The following HNF4G variants were observed in gnomAD, a reference collection of about 807,000 sequenced individuals.
The protein encoded by HNF4G is hepatocyte nuclear factor 4 gamma.
HNF4G carries 21 observed loss-of-function variants against 50.9 expected under a neutral mutation model. The ratio of observed to expected loss-of-function variants is 0.41; its 90% CI spans 0.29 to 0.59. HNF4G has a LOEUF of 0.59. Ranked by LOEUF, HNF4G falls within the 20% of genes least tolerant of loss-of-function variation. The probability of loss-of-function intolerance (pLI) is 0.26; values close to 1 mark genes in which losing one functional copy is unlikely to be tolerated. For synonymous variants in HNF4G, 198 were observed against 185.6 expected, an observed-to-expected ratio of 1.07 and a Z score of -0.54; for missense variants, 527 against 559.4, an observed-to-expected ratio of 0.94 and a Z score of 0.58.
intron 1 of HNF4G, among the ~76,000 whole-genome samples, chr8:75,466,384 T>G (rs931496070): frequency 6.6e-6 from 1 of 152,142 alleles, no homozygotes; most frequent in Non-Finnish European, 1.5e-5. Flanking sequence ...CTAATTTGTT[T>G]TATTAGACTG....
chr8:75,548,177 G>A (rs1806844459), intron 3 of HNF4G, among the ~76,000 whole-genome samples: 1 of 151,900 alleles, frequency 6.6e-6, no homozygotes, highest in Non-Finnish European at 1.5e-5. Flanking sequence ...TAGAACCAGA[G>A]TTTCACCATG....
intron 1 of HNF4G, among the ~76,000 whole-genome samples, chr8:75,464,682 T>C (rs1470942433): frequency 1.3e-5 from 2 of 152,198 alleles, no homozygotes; most frequent in East Asian, 3.8e-4. Flanking sequence ...GTCTATCAGA[T>C]TGTATATTAA....
At chr8:75,408,523 T>C (rs1052216306) in intron 1 of HNF4G, among the ~76,000 whole-genome samples, 3 of 152,198 alleles carry the variant, frequency 2.0e-5, no homozygotes, top group African/African-American at 7.2e-5. Context: ...GGAGTGGGCA[T>C]CTGCCGGTGA....
intron 1 of HNF4G, among the ~76,000 whole-genome samples, chr8:75,452,546 CG>C (rs1343750852): frequency 6.6e-6 from 1 of 151,996 alleles, no homozygotes; most frequent in African/African-American, 2.4e-5. Flanking sequence ...GGCGAAACCC[CG>C]TCTCTACTAA....
intron 2 of HNF4G, among the ~76,000 whole-genome samples, chr8:75,495,967 C>G (rs143002663): frequency 6.6e-5 from 10 of 152,104 alleles, no homozygotes; most frequent in Admixed American, 5.9e-4. Flanking sequence ...TATTCTCTCC[C>G]TCTTCAACAA....
chr8:75,513,328 G>A lies in HNF4G; in HGVS notation c.-24+23120G>A, dbSNP rs371115507. Among the ~76,000 whole-genome samples the A allele has an allele frequency of 6.7e-4, 102 of 152,184 alleles. 1 individual carries two copies. The South Asian group carries it at 0.021, about 31-fold the overall frequency. ...GCTGGGATTACAAGCATGAGCCACC[G>A]CACCTGGCCACGTTTTTAAAATAGT... On this transcript the variant is annotated intron_variant, in intron 2 of 10. Transcript: ENST00000354370.
Position 75,565,366 on chromosome 8 carries a change from C to T in HNF4G, c.*1270C>T, listed in dbSNP as rs1198567682. 6.6e-6 allele frequency: 1 copy of T among 152,092 alleles called. No individual in the cohort carries two copies. Among genetic ancestry groups the T allele is most frequent in the African/African-American group, 2.4e-5 (1 of 41,408 alleles). The allele number at this position is 152,092 out of a possible 1,614,324, so 9.4% of individuals were successfully genotyped here. The stretch of plus-strand genomic sequence containing the variant: ...TTTTGTAGTTTTAACCAGACTTTCT[C>T]TTAAAAACATTAGATAAAATAAAAG... On this transcript the variant is annotated 3_prime_UTR_variant, in exon 10 of 10. Coordinates refer to ENST00000396423, the MANE Select transcript of HNF4G (RefSeq NM_004133.5).
At chr8:75,532,141 T>C (rs1806344116) in intron 2 of HNF4G, among the ~76,000 whole-genome samples, 1 of 152,124 alleles carries the variant, frequency 6.6e-6, no homozygotes, top group Non-Finnish European at 1.5e-5. Context: ...AAATTCTTCC[T>C]GTAGCTGTCT....
chr8:75,433,607 C>A (rs145831203), intron 1 of HNF4G, among the ~76,000 whole-genome samples: 20 of 152,158 alleles, frequency 1.3e-4, no homozygotes, highest in African/African-American at 4.3e-4. Flanking sequence ...CTGTGTTGCA[C>A]GGGCTGGTCT....
intron 2 of HNF4G, among the ~76,000 whole-genome samples, chr8:75,517,294 C>T (rs1805916474): frequency 6.6e-6 from 1 of 152,084 alleles, no homozygotes; most frequent in South Asian, 2.1e-4. Context: ...ATCTCATATC[C>T]TTACATTTCA....
intron 2 of HNF4G, among the ~76,000 whole-genome samples, chr8:75,507,168 A>G (rs529297619): frequency 3.3e-5 from 5 of 152,244 alleles, no homozygotes; most frequent in Non-Finnish European, 5.9e-5. Context: ...CTATTTTTAT[A>G]TGTAATCTAT....
chr8:75,453,741 C>G (rs975664908), intron 1 of HNF4G, among the ~76,000 whole-genome samples: 10 of 152,160 alleles, frequency 6.6e-5, no homozygotes, highest in African/African-American at 2.2e-4. Flanking sequence ...AGACCTTGAT[C>G]TGTCTTCTTC....
At chr8:75,414,165 T>C (rs1007888823) in intron 1 of HNF4G, among the ~76,000 whole-genome samples, 1 of 152,144 alleles carries the variant, frequency 6.6e-6, no homozygotes, top group African/African-American at 2.4e-5. Flanking sequence ...TGCCTTTTTG[T>C]AATTTTTCCC....
At chr8:75,420,466 C>G (rs1025411575) in intron 1 of HNF4G, among the ~76,000 whole-genome samples, 1 of 152,210 alleles carries the variant, frequency 6.6e-6, no homozygotes, top group Non-Finnish European at 1.5e-5. Context: ...TCTCTTTTAC[C>G]TCTTGCAACT....
At chr8:75,525,957 T>C (rs115644102) in intron 2 of HNF4G, among the ~76,000 whole-genome samples, 2,122 of 152,214 alleles carry the variant, frequency 0.014, 47 homozygotes, top group African/African-American at 0.043. Context: ...ATCAGAAGCA[T>C]ATAATTTTAA....
chr8:75,411,603 G>C (rs1002727271), intron 1 of HNF4G, among the ~76,000 whole-genome samples: 3 of 152,108 alleles, frequency 2.0e-5, no homozygotes, highest in Admixed American at 1.3e-4. Context: ...TATCAAGATG[G>C]TTTCCTGGAA....
intron 1 of HNF4G, among the ~76,000 whole-genome samples, chr8:75,484,220 A>T (rs762807755): frequency 4.5e-4 from 69 of 152,226 alleles, no homozygotes; most frequent in Non-Finnish European, 1.3e-4. Context: ...CACATGACTA[A>T]ATAGGAGAAT....
At chr8:75,467,962 T>G (rs2130624578) in intron 1 of HNF4G, among the ~76,000 whole-genome samples, 1 of 152,248 alleles carries the variant, frequency 6.6e-6, no homozygotes, top group South Asian at 2.1e-4. Flanking sequence ...CTGCTGTATG[T>G]TGTTTTCTTT....
chr8:75,510,684 C>T (rs1805727336), intron 2 of HNF4G, among the ~76,000 whole-genome samples: 1 of 152,046 alleles, frequency 6.6e-6, no homozygotes, highest in African/African-American at 2.4e-5. Flanking sequence ...AGCATATAGC[C>T]TAGGTGTGTA....
Sources: allele counts gnomAD v4.1 joint callset (sites outside exome capture counted in the v4.1 genomes callset), GRCh38; gene constraint gnomAD v4.1.1; transcripts MANE v1.5; gene names NCBI Gene and HGNC (gene_info 2026-07-23, HGNC 2026-07-21).